The following MRAP2 variants were observed in gnomAD, a reference collection of about 807,000 sequenced individuals.
MRAP2 encodes the protein melanocortin-2 receptor accessory protein 2.
A neutral mutation model predicts 17.4 loss-of-function variants in MRAP2; 20 were observed. The ratio of observed to expected loss-of-function variants is 1.15; its 90% CI spans 0.81 to 1.67. The LOEUF is 1.67. Ranked by LOEUF, MRAP2 falls within the 40% of genes most tolerant of loss-of-function variation. The probability of loss-of-function intolerance (pLI) is 0.00; values close to 1 mark genes in which losing one functional copy is unlikely to be tolerated. For synonymous variants in MRAP2, 96 were observed against 88.4 expected, an observed-to-expected ratio of 1.09 and a Z score of -0.48; for missense variants, 238 against 240.0, an observed-to-expected ratio of 0.99 and a Z score of 0.05.
chr6:84,089,217 C>T lies in MRAP2; in HGVS notation c.354C>T (p.Cys118=). Residue 118 remains cysteine (C), a synonymous_variant, in exon 4 of 4, where the codon TGC becomes TGT. Coordinates refer to ENST00000257776, the MANE Select transcript of MRAP2 (RefSeq NM_138409.4). The part of the protein sequence containing the change: ...GNEESRSLFH[C]YINEVERLDR... ...AGGAGTCCAGGTCTCTCTTTCACTG[C>T]TACATCAATGAGGTGGAACGCTTGG... 1 of 1,614,176 alleles carries T rather than the reference C, an allele frequency of 6.2e-7. No homozygotes were observed. Among genetic ancestry groups the T allele is most frequent in the Non-Finnish European group, 8.5e-7 (1 of 1,180,044 alleles).
At chr6:84,132,204 G>C in the MRAP2 span, among the ~76,000 whole-genome samples, 1 of 152,222 alleles carries the variant, frequency 6.6e-6, no homozygotes, top group Non-Finnish European at 1.5e-5. Context: ...TTTCTGCTGA[G>C]AGATCTGCTG....
intron 3 of MRAP2, among the ~76,000 whole-genome samples, chr6:84,081,053 A>C (rs745329242): frequency 6.6e-5 from 10 of 152,254 alleles, no homozygotes; most frequent in Non-Finnish European, 1.2e-4. Context: ...GGGTTGAATT[A>C]AAGTAGAGCA....
At chr6:84,141,678 G>T in the MRAP2 span, among the ~76,000 whole-genome samples, 15,534 of 152,112 alleles carry the variant, frequency 0.1, 939 homozygotes, top group Middle Eastern at 0.19. Flanking sequence ...CCAGGGCCGG[G>T]GTGTATAGGT....
intron 1 of MRAP2, among the ~76,000 whole-genome samples, chr6:84,055,004 C>T (rs1454514318): frequency 2.0e-5 from 3 of 152,190 alleles, no homozygotes; most frequent in Non-Finnish European, 4.4e-5. Context: ...TACTCTTTCC[C>T]TCCTTTCCTT....
At chr6:84,112,514 C>G in the MRAP2 span, among the ~76,000 whole-genome samples, 13 of 152,106 alleles carry the variant, frequency 8.5e-5, no homozygotes, top group African/African-American at 3.1e-4. Flanking sequence ...ATTAGTCTGG[C>G]TAGCAGTCTA....
chr6:84,041,785 T>C (rs2099487656), intron 1 of MRAP2, among the ~76,000 whole-genome samples: 1 of 152,266 alleles, frequency 6.6e-6, no homozygotes. Context: ...ACCCCCATTG[T>C]ATCTAGGAAG....
chr6:84,059,118 A>G (rs926204665), intron 2 of MRAP2, among the ~76,000 whole-genome samples: 3 of 152,166 alleles, frequency 2.0e-5, no homozygotes, highest in African/African-American at 7.2e-5. Flanking sequence ...CAATGAGTGG[A>G]CAATCACATT....
chr6:84,037,701 C>T (rs1243334106), intron 1 of MRAP2, among the ~76,000 whole-genome samples: 1 of 152,164 alleles, frequency 6.6e-6, no homozygotes, highest in East Asian at 1.9e-4. Flanking sequence ...GGACCTGGCG[C>T]CCCCTCTGCA....
intron 3 of MRAP2, among the ~76,000 whole-genome samples, chr6:84,076,287 G>C (rs1218734245): frequency 6.6e-6 from 1 of 150,764 alleles, no homozygotes; most frequent in Non-Finnish European, 1.5e-5. Context: ...GCAGTGGCAC[G>C]ATCTTAGCTG....
At chr6:84,081,277 AACTGTCT>A (rs1481158102) in intron 3 of MRAP2, among the ~76,000 whole-genome samples, 1 of 152,186 alleles carries the variant, frequency 6.6e-6, no homozygotes, top group Non-Finnish European at 1.5e-5. Flanking sequence ...TCTTGGGAAA[AACTGTCT>A]ACTGCATGAA....
rs528471675 is a variant in MRAP2 at position 84,082,922 on chromosome 6, A to G, written c.228-6169A>G. Among the ~76,000 whole-genome samples, 4 of 152,268 alleles carry G rather than the reference A, an allele frequency of 2.6e-5. No homozygotes were observed. In the East Asian group the frequency reaches 7.7e-4, roughly 29 times the overall value. ...ACATTCCTTTCCTTATTTAAAAAAA[A>G]GACTAGCCCTCTAGCTCATCACAGA... On this transcript the variant is annotated intron_variant, in intron 3 of 3. Coordinates refer to ENST00000257776, the MANE Select transcript of MRAP2 (RefSeq NM_138409.4).
chr6:84,061,274 C>G (rs1181040583), intron 2 of MRAP2, among the ~76,000 whole-genome samples: 1 of 152,202 alleles, frequency 6.6e-6, no homozygotes, highest in Non-Finnish European at 1.5e-5. Context: ...GCTCTAATCA[C>G]TTATTTTTAG....
At chr6:84,119,854 A>C in the MRAP2 span, among the ~76,000 whole-genome samples, 1 of 152,270 alleles carries the variant, frequency 6.6e-6, no homozygotes, top group Non-Finnish European at 1.5e-5. Context: ...AATTCTAGAA[A>C]CCCCAAAACC....
chr6:84,129,698 C>G, the MRAP2 span, among the ~76,000 whole-genome samples: 2 of 152,104 alleles, frequency 1.3e-5, no homozygotes, highest in Non-Finnish European at 2.9e-5. Flanking sequence ...TCAATTTTGG[C>G]TTTTGTTGCC....
intron 2 of MRAP2, 37 bp downstream of exon 2, chr6:84,055,482 G>T (rs375261648): frequency 1.8e-5 from 29 of 1,596,032 alleles, no homozygotes; most frequent in Non-Finnish European, 2.1e-5. Context: ...AAGCATAATT[G>T]TATTTCTCTT....
chr6:84,107,520 A>T, the MRAP2 span, among the ~76,000 whole-genome samples: 1 of 152,182 alleles, frequency 6.6e-6, no homozygotes, highest in African/African-American at 2.4e-5. Flanking sequence ...TTATTAATGA[A>T]ATGGAACAAT....
intron 1 of MRAP2, among the ~76,000 whole-genome samples, chr6:84,053,708 A>G (rs1228241806): frequency 6.6e-6 from 1 of 152,216 alleles, no homozygotes; most frequent in Non-Finnish European, 1.5e-5. Flanking sequence ...GCAACATCAC[A>G]TTTAACTTTT....
intron 2 of MRAP2, among the ~76,000 whole-genome samples, chr6:84,057,233 G>T (rs1168932541): frequency 6.6e-6 from 1 of 152,204 alleles, no homozygotes; most frequent in Admixed American, 6.5e-5. Flanking sequence ...ATTTAAAAAT[G>T]CTGTGACTCT....
At chr6:84,038,763 A>C (rs1047881373) in intron 1 of MRAP2, among the ~76,000 whole-genome samples, 1 of 152,202 alleles carries the variant, frequency 6.6e-6, no homozygotes, top group Non-Finnish European at 1.5e-5. Flanking sequence ...CCAAAGTGCT[A>C]GGATTACAAT....
Sources: gnomAD v4.1 joint callset for allele counts (sites outside exome capture counted in the v4.1 genomes callset) on GRCh38, gnomAD v4.1.1 for gene constraint, MANE v1.5 for transcripts, NCBI Gene and HGNC (gene_info 2026-07-23, HGNC 2026-07-21) for gene names.